Variants in UNC13B observed in about 807,000 individuals in gnomAD.
The protein encoded by UNC13B is protein unc-13 homolog B.
A neutral mutation model predicts 211.0 loss-of-function variants in UNC13B; 144 were observed. The observed-to-expected ratio is 0.68, with a 90% CI of 0.60 to 0.78. The LOEUF is 0.78. Among genes scored for constraint, UNC13B ranks in the 30% least tolerant of loss-of-function variants. The probability of loss-of-function intolerance (pLI) is 0.00; values close to 1 mark genes in which losing one functional copy is unlikely to be tolerated. For synonymous variants in UNC13B, 709 were observed against 725.8 expected (o/e 0.98, Z 0.37); for missense variants, 1,777 against 2,002.0 (o/e 0.89, Z 2.14).
chr9:35,167,754 ATTTTTTTTT>A (rs765603183), intron 1 of UNC13B, among the ~76,000 whole-genome samples: 28 of 115,666 alleles, frequency 2.4e-4, no homozygotes, highest in Non-Finnish European at 4.6e-4. Context: ...TGCCTGGCTA[ATTTTTTTTT>A]TTTTTTTTTT....
rs774149152 is a variant in UNC13B, at chr9:35,295,712, T to C, written c.543T>C (p.Asp181=). The change falls in exon 8 of 40, where the codon GAT becomes GAC. Residue 181 remains aspartate (D), a synonymous_variant. Transcript: ENST00000635942. ...ATTCCATAGCTTTTGAAGACCCTGA[T>C]AGTGCCGTCGATGACCGAGATAGTG... The part of the protein sequence containing the change: ...AAAQCSFEDP[D]SAVDDRDSDY... 6.2e-7 allele frequency: 1 copy of C among 1,614,116 alleles called. No individual in the cohort carries two copies. The highest frequency in any genetic ancestry group is 1.1e-5 in the South Asian group (1 of 91,068).
chr9:35,258,391 A>T (rs1184375352), intron 6 of UNC13B, among the ~76,000 whole-genome samples: 1 of 152,140 alleles, frequency 6.6e-6, no homozygotes, highest in Non-Finnish European at 1.5e-5. Context: ...CTTTTATGGA[A>T]CATTGTCTTA....
In UNC13B at chr9:35,289,086, C is replaced by T. The variant is rs183722039; in HGVS notation, c.527-6610C>T. Among the ~76,000 whole-genome samples, 12 of 151,918 alleles carry T rather than the reference C, an allele frequency of 7.9e-5. No homozygotes were observed. In the East Asian group the frequency reaches 2.1e-3, roughly 27 times the overall value. On this transcript the variant is annotated intron_variant, in intron 7 of 39. Transcript: ENST00000635942. ...ATTTTAAAATGGCACACTAAGCCAACATATCCTTTCTGAGAGGTGAGAAGA... is the reference window on the plus strand; with the variant it reads ...ATTTTAAAATGGCACACTAAGCCAATATATCCTTTCTGAGAGGTGAGAAGA...
chr9:35,391,951 C>G (rs1835563031), intron 26 of UNC13B, among the ~76,000 whole-genome samples: 1 of 152,188 alleles, frequency 6.6e-6, no homozygotes, highest in Non-Finnish European at 1.5e-5. Flanking sequence ...AAGGGGAGTT[C>G]TGCTAATGTT....
At chr9:35,187,111 G>A (rs1440899219) in intron 1 of UNC13B, among the ~76,000 whole-genome samples, 1 of 152,184 alleles carries the variant, frequency 6.6e-6, no homozygotes, top group Non-Finnish European at 1.5e-5. Context: ...AGGTCTTACT[G>A]CAAATAGTAA....
At chr9:35,398,179 C>A in intron 30 of UNC13B, 32 bp from the exon 31 acceptor site, 2 of 1,603,366 alleles carry the variant, frequency 1.2e-6, no homozygotes, top group Non-Finnish European at 1.7e-6. Flanking sequence ...CTGAAAGGAG[C>A]CAAGACTCAA....
Position 35,384,315 on chromosome 9 carries a change from G to A in UNC13B, c.10875+1G>A, listed in dbSNP as rs1464348960. The A allele has an allele frequency of 6.2e-7, 1 of 1,613,508 alleles. No homozygotes were observed. Among genetic ancestry groups the A allele is most frequent in the Admixed American group, 1.7e-5 (1 of 60,002 alleles). On this transcript the variant is annotated splice_donor_variant, in intron 22 of 39. Coordinates refer to ENST00000635942, the MANE Select transcript of UNC13B (RefSeq NM_001371189.2). LOFTEE classifies it high-confidence loss of function. ...GAGGATCGACCTCTCTACATACAGG[G>A]TGAGTGAAGACACGGCTGTGGGCAG...
At position 35,266,268 on chromosome 9, in the gene UNC13B, C is replaced by T. The variant is rs551308952; in HGVS notation, c.526+7218C>T. 2.2e-3 allele frequency among the ~76,000 whole-genome samples: 332 copies of T among 152,310 alleles called. 2 individuals carry two copies. The highest frequency in any genetic ancestry group is 4.1e-3 in the South Asian group (20 of 4,830). On this transcript the variant is annotated intron_variant, in intron 7 of 39. Transcript: ENST00000635942. ...TCATATGACTCTATTACTTCCTAGT[C>T]CTCAGATTCCTTCATGTGGATGGCC... is the stretch of plus-strand genomic sequence containing the variant.
chr9:35,269,998 C>T (rs2131673576), intron 7 of UNC13B, among the ~76,000 whole-genome samples: 1 of 152,168 alleles, frequency 6.6e-6, no homozygotes, highest in South Asian at 2.1e-4. Flanking sequence ...TTCCTTTTAA[C>T]TAGATCCTGT....
intron 1 of UNC13B, among the ~76,000 whole-genome samples, chr9:35,218,733 G>A (rs1460823455): frequency 1.3e-5 from 2 of 151,232 alleles, no homozygotes; most frequent in South Asian, 2.1e-4. Flanking sequence ...GTTAATGTTC[G>A]TGTTTTTCTT....
rs1042676329 is a variant in UNC13B, at chr9:35,380,755, T to C, written c.10375+116T>C. On this transcript the variant is annotated intron_variant, in intron 18 of 39. Coordinates refer to ENST00000635942, the MANE Select transcript of UNC13B (RefSeq NM_001371189.2). Reference sequence around the variant, plus strand: ...CCAAAGCATACCTCTATACAGAGCCTGTCTCACCTGCAAAGAACTGACTGT... The same window carrying C: ...CCAAAGCATACCTCTATACAGAGCCCGTCTCACCTGCAAAGAACTGACTGT... 6 of 1,343,984 alleles carry C rather than the reference T, an allele frequency of 4.5e-6. No individual in the cohort carries two copies. The African/African-American group carries it at 7.3e-5, about 16-fold the overall frequency. 83.3% of individuals were successfully genotyped at this position (1,343,984 alleles called of 1,614,324 possible). A position where few individuals can be genotyped will look rare whatever the true frequency, so the allele number is the denominator to read the frequency against.
chr9:35,391,201 C>A (rs1335566453), intron 26 of UNC13B, among the ~76,000 whole-genome samples: 1 of 152,218 alleles, frequency 6.6e-6, no homozygotes, highest in Non-Finnish European at 1.5e-5. Flanking sequence ...TCCTATAGAG[C>A]AGGGCCACAG....
At chr9:35,216,026 A>C (rs1309410737) in intron 1 of UNC13B, among the ~76,000 whole-genome samples, 2 of 152,220 alleles carry the variant, frequency 1.3e-5, no homozygotes, top group Non-Finnish European at 2.9e-5. Context: ...CATATAAACC[A>C]ATAATACAGC....
At chr9:35,330,151 G>A (rs977976921) in intron 11 of UNC13B, among the ~76,000 whole-genome samples, 1 of 152,208 alleles carries the variant, frequency 6.6e-6, no homozygotes, top group African/African-American at 2.4e-5. Flanking sequence ...ATTAGGGATA[G>A]CGACTTGTTC....
At chr9:35,352,280 C>T (rs1446212311) in intron 11 of UNC13B, 4 of 1,232,052 alleles carry the variant, frequency 3.2e-6, no homozygotes, top group Non-Finnish European at 4.0e-6. Flanking sequence ...TAATGGCATG[C>T]AGTGCAACAG....
chr9:35,339,788 A>G (rs948469558), intron 11 of UNC13B, among the ~76,000 whole-genome samples: 14 of 152,242 alleles, frequency 9.2e-5, no homozygotes, highest in Non-Finnish European at 1.8e-4. Flanking sequence ...TTGGGTGACA[A>G]GACAGGGTGG....
intron 1 of UNC13B, among the ~76,000 whole-genome samples, chr9:35,180,944 A>T (rs1343092643): frequency 6.6e-6 from 1 of 150,772 alleles, no homozygotes; most frequent in Non-Finnish European, 1.5e-5. Context: ...AAAAAAAAAA[A>T]TGCTGGATCT....
intron 1 of UNC13B, among the ~76,000 whole-genome samples, chr9:35,190,555 C>G (rs556118815): frequency 6.6e-6 from 1 of 151,910 alleles, no homozygotes; most frequent in Non-Finnish European, 1.5e-5. Flanking sequence ...TTCTTCCCCC[C>G]CTCCCCCAAA....
intron 1 of UNC13B, among the ~76,000 whole-genome samples, chr9:35,174,995 G>A (rs1321919045): frequency 6.6e-6 from 1 of 151,880 alleles, no homozygotes; most frequent in Non-Finnish European, 1.5e-5. Flanking sequence ...ACAAGGTTTT[G>A]CCATGTGGCT....
Sources: gnomAD v4.1 joint callset for allele counts (sites outside exome capture counted in the v4.1 genomes callset) on GRCh38, gnomAD v4.1.1 for gene constraint, MANE v1.5 for transcripts, NCBI Gene and HGNC (gene_info 2026-07-23, HGNC 2026-07-21) for gene names.